The following MYOCOS variants were observed in gnomAD, a reference collection of about 807,000 sequenced individuals.
The protein encoded by MYOCOS is myocilin opposite strand protein.
intron 2 of MYOCOS, among the ~76,000 whole-genome samples, chr1:171,626,020 G>A (rs74372990): frequency 6.6e-6 from 1 of 151,368 alleles, no homozygotes; most frequent in Non-Finnish European, 1.5e-5. Flanking sequence ...AGCTTGGAAA[G>A]ATGTCCTCTG....
At chr1:171,608,097 T>TATC (rs1292821282) in intron 1 of MYOCOS, among the ~76,000 whole-genome samples, 5 of 152,164 alleles carry the variant, frequency 3.3e-5, no homozygotes, top group African/African-American at 1.2e-4. Flanking sequence ...ATGATTCAAT[T>TATC]ATCTCCCACC....
intron 1 of MYOCOS, among the ~76,000 whole-genome samples, chr1:171,607,056 T>C (rs1652257554): frequency 7.4e-6 from 1 of 135,702 alleles, no homozygotes; most frequent in African/African-American, 2.8e-5. Flanking sequence ...ATCACACCAC[T>C]GCACTCCAGC....
At chr1:171,613,016 G>A (rs1652382976) in intron 1 of MYOCOS, among the ~76,000 whole-genome samples, 1 of 152,178 alleles carries the variant, frequency 6.6e-6, no homozygotes, top group Non-Finnish European at 1.5e-5. Flanking sequence ...TAGCCTTCAT[G>A]TGTCTTTAAC....
chr1:171,609,819 C>A (rs1159991279), intron 1 of MYOCOS, among the ~76,000 whole-genome samples: 1 of 152,172 alleles, frequency 6.6e-6, no homozygotes, highest in Admixed American at 6.5e-5. Context: ...TTTGTTATTG[C>A]ACAGTTCCTA....
At position 171,626,591 on chromosome 1, in the gene MYOCOS, C is replaced by T. The variant is rs780185829; in HGVS notation, c.233C>T (p.Thr78Met). The T allele has an allele frequency of 2.4e-4, 95 of 398,480 alleles. No individual in the cohort carries two copies. In the East Asian group the frequency reaches 3.0e-3, roughly 13 times the overall value. 24.7% of individuals were successfully genotyped at this position (398,480 alleles called of 1,614,324 possible). A position where few individuals can be genotyped will look rare whatever the true frequency, so the allele number is the denominator to read the frequency against. The change falls in exon 3 of 3, where the codon ACG becomes ATG. Residue 78 changes from threonine to methionine, a missense_variant. Thr to Met is a moderately conservative substitution (Grantham distance 81, BLOSUM62 -1). Transcript: ENST00000637642. ...APPPSPAEDP[T>M]VS ...CCTCCTTCTCCAGCTGAGGATCCCA[C>T]GGTCTCCTAAGATGTAAAACTTATT...
At chr1:171,601,642 G>T (rs1041302659) in intron 1 of MYOCOS, among the ~76,000 whole-genome samples, 6 of 152,148 alleles carry the variant, frequency 3.9e-5, no homozygotes, top group African/African-American at 1.4e-4. Flanking sequence ...TTAGAGGTGG[G>T]TTGGCCATCA....
In MYOCOS at chr1:171,605,667, G is replaced by A. The variant is rs145195621; in HGVS notation, c.-252+4587G>A. 3.2e-3 allele frequency among the ~76,000 whole-genome samples: 491 copies of A among 151,950 alleles called. 4 individuals carry two copies. Among genetic ancestry groups the A allele is most frequent in the African/African-American group, 0.011 (465 of 41,396 alleles). On this transcript the variant is annotated intron_variant, in intron 1 of 3. Transcript: ENST00000636697. ...CTAGGCTTCCCAGTCTATGCTTCCC[G>A]CGGAAAACGAAGCATAGCCATAAGT...
chr1:171,605,395 A>ACACACACAC (rs1553253249), intron 1 of MYOCOS, among the ~76,000 whole-genome samples: 436 of 114,746 alleles, frequency 3.8e-3, no homozygotes, highest in African/African-American at 0.016. Context: ...ACACACACAC[A>ACACACACAC]AAAAAAAAAA....
upstream of MYOCOS, among the ~76,000 whole-genome samples, chr1:171,620,863 G>A (rs1572205563): frequency 6.9e-6 from 1 of 145,384 alleles, no homozygotes. Context: ...TCTGACTCCC[G>A]GGTTCAAGCG....
chr1:171,616,150 G>A (rs1210070419), intron 2 of MYOCOS, among the ~76,000 whole-genome samples: 2 of 152,140 alleles, frequency 1.3e-5, no homozygotes, highest in African/African-American at 4.8e-5. Flanking sequence ...CCCAGAGGCA[G>A]AGGTTGCAGT....
upstream of MYOCOS, among the ~76,000 whole-genome samples, chr1:171,619,380 A>T (rs933919868): frequency 3.9e-5 from 6 of 152,202 alleles, no homozygotes; most frequent in African/African-American, 1.4e-4. Flanking sequence ...ACACATCCTA[A>T]AGGATGGCTA....
At chr1:171,611,123 C>T (rs1652344588) in intron 1 of MYOCOS, among the ~76,000 whole-genome samples, 2 of 152,280 alleles carry the variant, frequency 1.3e-5, no homozygotes, top group South Asian at 4.1e-4. Flanking sequence ...TTTAGGGCCA[C>T]CCTGAGAAGA....
chr1:171,618,053 G>A (rs1331150953), upstream of MYOCOS, among the ~76,000 whole-genome samples: 1 of 152,224 alleles, frequency 6.6e-6, no homozygotes, highest in Non-Finnish European at 1.5e-5. Flanking sequence ...AGATGTGTTG[G>A]AGGTTTGAGG....
intron 1 of MYOCOS, among the ~76,000 whole-genome samples, chr1:171,602,445 C>T (rs950142989): frequency 3.3e-5 from 5 of 151,970 alleles, no homozygotes; most frequent in Admixed American, 1.3e-4. Context: ...AGTTTTAAAA[C>T]GTTAATTGTA....
At chr1:171,624,694 G>T (rs187252079) in intron 2 of MYOCOS, among the ~76,000 whole-genome samples, 1 of 151,940 alleles carries the variant, frequency 6.6e-6, no homozygotes, top group Non-Finnish European at 1.5e-5. Context: ...TGATCTGCCC[G>T]CCTCGGCCTC....
upstream of MYOCOS, among the ~76,000 whole-genome samples, chr1:171,620,033 A>T (rs1450982126): frequency 6.7e-6 from 1 of 149,038 alleles, no homozygotes; most frequent in Non-Finnish European, 1.5e-5. Flanking sequence ...GGACCTTGTG[A>T]TCATGTGAGT....
In MYOCOS at chr1:171,624,538, G is replaced by A. The variant is rs575016440; in HGVS notation, c.95+560G>A. On this transcript the variant is annotated intron_variant, in intron 2 of 2. Coordinates refer to ENST00000637642, the MANE Select transcript of MYOCOS (RefSeq NM_001391940.1). Reference sequence around the variant, plus strand: ...TGCAAGCTCCGCCTCCCGGGTTCACGGCATTCTCCCACCTCAGCCTTCTGA... The same window carrying A: ...TGCAAGCTCCGCCTCCCGGGTTCACAGCATTCTCCCACCTCAGCCTTCTGA... 1.6e-4 allele frequency among the ~76,000 whole-genome samples: 24 copies of A among 152,010 alleles called. No individual in the cohort carries two copies. The East Asian group carries it at 1.7e-3, about 11-fold the overall frequency.
At chr1:171,616,666 T>C (rs970247191) in intron 2 of MYOCOS, among the ~76,000 whole-genome samples, 11 of 152,196 alleles carry the variant, frequency 7.2e-5, no homozygotes, top group African/African-American at 2.7e-4. Context: ...ATTGTTTATA[T>C]TGAGGTGTCA....
chr1:171,604,810 G>T (rs1265080119), intron 1 of MYOCOS, among the ~76,000 whole-genome samples: 1 of 152,096 alleles, frequency 6.6e-6, no homozygotes, highest in Non-Finnish European at 1.5e-5. Flanking sequence ...TTAAAAAGAA[G>T]ATAAAAAAGA....
Sources: gnomAD v4.1 joint callset for allele counts (sites outside exome capture counted in the v4.1 genomes callset) on GRCh38, gnomAD v4.1.1 for gene constraint, MANE v1.5 for transcripts, NCBI Gene and HGNC (gene_info 2026-07-23, HGNC 2026-07-21) for gene names.